The following ERBB4 variants were observed in gnomAD, a reference collection of about 807,000 sequenced individuals.
ERBB4 encodes the protein receptor tyrosine-protein kinase erbB-4.
In ERBB4, 42 loss-of-function variants were observed where a neutral mutation model predicts 158.0. The observed-to-expected ratio is 0.27, with a 90% CI of 0.21 to 0.34. ERBB4 has a LOEUF of 0.34. ERBB4 is among the 10% of genes least tolerant of loss of function. The pLI is 1.00. For missense variants in ERBB4, 1,333 were observed against 1,624.1 expected, an observed-to-expected ratio of 0.82 and a Z score of 3.08; for synonymous variants, 583 against 558.7, an observed-to-expected ratio of 1.04 and a Z score of -0.61.
chr2:211,865,225 A>G (rs2106093961), intron 3 of ERBB4, among the ~76,000 whole-genome samples: 1 of 151,370 alleles, frequency 6.6e-6, no homozygotes, highest in Non-Finnish European at 1.5e-5. Context: ...ATATGTATAT[A>G]TAGATATATC....
intron 2 of ERBB4, among the ~76,000 whole-genome samples, chr2:212,090,970 G>A (rs181745394): frequency 5.3e-4 from 81 of 151,818 alleles, no homozygotes; most frequent in African/African-American, 1.9e-3. Context: ...TCTATCTTAC[G>A]TTGTGTTGGT....
At chr2:211,643,976 G>C (rs1442084173) in intron 16 of ERBB4, among the ~76,000 whole-genome samples, 2 of 152,028 alleles carry the variant, frequency 1.3e-5, no homozygotes, top group Non-Finnish European at 2.9e-5. Context: ...GATCAATAAA[G>C]AGAACATGAA....
chr2:212,102,625 A>G (rs534351443), intron 2 of ERBB4, among the ~76,000 whole-genome samples: 1 of 152,324 alleles, frequency 6.6e-6, no homozygotes, highest in African/African-American at 2.4e-5. Flanking sequence ...TTAGTCATGT[A>G]TATGAATAAG....
chr2:211,680,135 G>T (rs2072274766), intron 12 of ERBB4, among the ~76,000 whole-genome samples: 1 of 152,160 alleles, frequency 6.6e-6, no homozygotes, highest in African/African-American at 2.4e-5. Context: ...AGTAACAATA[G>T]TCTTTAGTGT....
intron 3 of ERBB4, among the ~76,000 whole-genome samples, chr2:211,924,090 G>C (rs1314676245): frequency 6.6e-6 from 1 of 152,010 alleles, no homozygotes; most frequent in African/African-American, 2.4e-5. Flanking sequence ...CATTCTCATG[G>C]AAACCCCACA....
At chr2:211,948,222 G>T (rs773880886) in intron 2 of ERBB4, among the ~76,000 whole-genome samples, 1 of 151,924 alleles carries the variant, frequency 6.6e-6, no homozygotes, top group African/African-American at 2.4e-5. Flanking sequence ...GGATCATGAG[G>T]TCAAGAGATC....
At chr2:212,311,985 A>G (rs2087064829) in intron 1 of ERBB4, among the ~76,000 whole-genome samples, 1 of 151,056 alleles carries the variant, frequency 6.6e-6, no homozygotes, top group African/African-American at 2.4e-5. Flanking sequence ...AAAGATTTTC[A>G]ATCTAACACT....
At chr2:211,864,973 T>G (rs1461459554) in intron 3 of ERBB4, among the ~76,000 whole-genome samples, 1 of 152,116 alleles carries the variant, frequency 6.6e-6, no homozygotes, top group East Asian at 1.9e-4. Flanking sequence ...ATTGAGTCAC[T>G]GTACTCCTGC....
intron 12 of ERBB4, among the ~76,000 whole-genome samples, chr2:211,686,989 A>T (rs534693663): frequency 6.6e-6 from 1 of 152,112 alleles, no homozygotes; most frequent in South Asian, 2.1e-4. Flanking sequence ...CAAGACCACA[A>T]GAGTTGGGTT....
chr2:212,153,677 T>A (rs56351822), intron 1 of ERBB4, among the ~76,000 whole-genome samples: 1 of 152,012 alleles, frequency 6.6e-6, no homozygotes, highest in Non-Finnish European at 1.5e-5. Flanking sequence ...ATTACTTTTG[T>A]GCTAACCTAA....
Position 211,532,582 on chromosome 2 carries a change from A to G in ERBB4, c.2487+29321T>C, listed in dbSNP as rs1458402281. ...AACATTCGGTCCTTAGTACCATATT[A>G]TGTCAACAATGATCTCTACAGATAG... On this transcript the variant is annotated intron_variant, in intron 20 of 27. Coordinates refer to ENST00000342788, the MANE Select transcript of ERBB4 (RefSeq NM_005235.3). Among the ~76,000 whole-genome samples the G allele has an allele frequency of 2.0e-5, 3 of 152,110 alleles. No individual in the cohort carries two copies. In the East Asian group the frequency reaches 5.8e-4, roughly 29 times the overall value.
intron 3 of ERBB4, among the ~76,000 whole-genome samples, chr2:211,885,848 TAG>T: frequency 6.6e-6 from 1 of 152,316 alleles, no homozygotes; most frequent in Non-Finnish European, 1.5e-5. Context: ...TTAATGAAAT[TAG>T]TCTTTAAGTT....
chr2:211,834,762 T>C (rs1479587101), intron 3 of ERBB4, among the ~76,000 whole-genome samples: 4 of 152,166 alleles, frequency 2.6e-5, no homozygotes, highest in South Asian at 2.1e-4. Flanking sequence ...AAGTGAAATT[T>C]AGGATCACTT....
chr2:211,534,733 A>G (rs1238276495), intron 20 of ERBB4, among the ~76,000 whole-genome samples: 2 of 152,104 alleles, frequency 1.3e-5, no homozygotes, highest in Non-Finnish European at 2.9e-5. Context: ...TAGGAGGAAA[A>G]TACATGACTA....
intron 2 of ERBB4, among the ~76,000 whole-genome samples, chr2:211,978,653 T>C (rs891002452): frequency 3.3e-5 from 5 of 152,160 alleles, no homozygotes; most frequent in African/African-American, 1.2e-4. Flanking sequence ...CTTTATATGG[T>C]TAAGAAACAC....
At chr2:212,092,241 T>C (rs1253156991) in intron 2 of ERBB4, among the ~76,000 whole-genome samples, 1 of 152,230 alleles carries the variant, frequency 6.6e-6, no homozygotes, top group East Asian at 1.9e-4. Context: ...GTTATTAGAA[T>C]TGTAGAACAG....
chr2:212,367,945 T>A (rs1022789415), intron 1 of ERBB4, among the ~76,000 whole-genome samples: 1 of 152,066 alleles, frequency 6.6e-6, no homozygotes, highest in Non-Finnish European at 1.5e-5. Flanking sequence ...GATGTTGGTG[T>A]GGATGCGGTG....
At chr2:211,889,533 A>G (rs893035150) in intron 3 of ERBB4, among the ~76,000 whole-genome samples, 9 of 151,886 alleles carry the variant, frequency 5.9e-5, no homozygotes, top group African/African-American at 2.2e-4. Flanking sequence ...CCAGCAACGG[A>G]ACAAGGAACA....
intron 20 of ERBB4, among the ~76,000 whole-genome samples, chr2:211,432,579 T>C (rs566605354): frequency 7.8e-4 from 115 of 147,890 alleles, no homozygotes; most frequent in South Asian, 1.3e-3. Context: ...TCTGAGAACA[T>C]ATAGCCCTTA....
Sources: allele counts gnomAD v4.1 joint callset (sites outside exome capture counted in the v4.1 genomes callset), GRCh38; gene constraint gnomAD v4.1.1; transcripts MANE v1.5; gene names NCBI Gene and HGNC (gene_info 2026-07-23, HGNC 2026-07-21).